Variants in MYLK observed in about 807,000 individuals in gnomAD.
MYLK encodes the protein myosin light chain kinase.
A neutral mutation model predicts 203.4 loss-of-function variants in MYLK; 106 were observed. That is an observed-to-expected ratio of 0.52 (90% CI 0.45 to 0.61). The LOEUF (loss-of-function observed/expected upper bound fraction) is 0.61. Among genes scored for constraint, MYLK ranks in the 20% least tolerant of loss-of-function variants. MYLK has a pLI of 0.00. For missense variants in MYLK, 2,072 were observed against 2,442.3 expected, an observed-to-expected ratio of 0.85 and a Z score of 3.20; for synonymous variants, 867 against 959.5, an observed-to-expected ratio of 0.90 and a Z score of 1.78.
chr3:123,618,780 A>G lies in MYLK; in HGVS notation c.5369-10T>C. The G allele has an allele frequency of 6.2e-7, 1 of 1,614,018 alleles. No homozygotes were observed. Among genetic ancestry groups the G allele is most frequent in the Middle Eastern group, 1.7e-4 (1 of 6,060 alleles). ...GCTTGGGACACATCTTCTAGAAGAC[A>G]GAGAAGAAGACCAGGTCATTTCTTC... On this transcript the variant is annotated splice_polypyrimidine_tract_variant and intron_variant, in intron 32 of 33. Coordinates refer to ENST00000360304, the MANE Select transcript of MYLK (RefSeq NM_053025.4).
rs79808071 is a variant in MYLK at position 123,645,258 on chromosome 3, C to T, written c.4619+1966G>A. On this transcript the variant is annotated intron_variant, in intron 27 of 33. Coordinates refer to ENST00000360304, the MANE Select transcript of MYLK (RefSeq NM_053025.4). ...TACAATAGAATAACTTACTCAAGGTCAAATAACAAGTTAGAAGCAGAGCTG... is the reference window on the plus strand; with the variant it reads ...TACAATAGAATAACTTACTCAAGGTTAAATAACAAGTTAGAAGCAGAGCTG... Among the ~76,000 whole-genome samples, 779 of 152,246 alleles carry T rather than the reference C, an allele frequency of 5.1e-3. 10 individuals are homozygous for T. The highest frequency in any genetic ancestry group is 0.018 in the African/African-American group (741 of 41,554).
intron 2 of MYLK, among the ~76,000 whole-genome samples, chr3:123,843,709 G>A (rs7628376): frequency 0.1 from 15,661 of 152,148 alleles, 1,879 homozygotes; most frequent in East Asian, 0.45. Context: ...CCCACAGCAA[G>A]AAACAGGAAG....
chr3:123,821,019 A>T (rs747893798), intron 3 of MYLK, among the ~76,000 whole-genome samples: 2 of 152,086 alleles, frequency 1.3e-5, no homozygotes, highest in South Asian at 4.1e-4. Context: ...GTGAGCCACC[A>T]CGCCCGGCTG....
chr3:123,666,359 A>G lies in MYLK; in HGVS notation c.3704-13T>C, dbSNP rs2059733714. On this transcript the variant is annotated splice_polypyrimidine_tract_variant and intron_variant, in intron 21 of 33. Transcript: ENST00000360304. ...TGAGGGGGCATTGCTGAGGGAGGACAGGGAGAAAGTGAGCGAGGCAGAAGG... is the reference window on the plus strand; with the variant it reads ...TGAGGGGGCATTGCTGAGGGAGGACGGGGAGAAAGTGAGCGAGGCAGAAGG... The G allele has an allele frequency of 6.2e-7, 1 of 1,614,072 alleles. No homozygotes were observed. The highest frequency in any genetic ancestry group is 1.1e-5 in the South Asian group (1 of 91,074).
chr3:123,630,505 T>C (rs76879080), intron 29 of MYLK: 4 of 152,222 alleles, frequency 2.6e-5, no homozygotes, highest in Non-Finnish European at 5.9e-5. Flanking sequence ...GATGAGGGAA[T>C]TGAGGCACAG....
At chr3:123,764,490 G>T (rs61657366) in intron 4 of MYLK, among the ~76,000 whole-genome samples, 5,590 of 152,202 alleles carry the variant, frequency 0.037, 352 homozygotes, top group African/African-American at 0.13. Context: ...GTACAGCAAC[G>T]AAGTCTGTCT....
chr3:123,733,576 CAAG>C lies in MYLK; in HGVS notation c.1309+108_1309+110del. On this transcript the variant is annotated intron_variant, in intron 10 of 33. Coordinates refer to ENST00000360304, the MANE Select transcript of MYLK (RefSeq NM_053025.4). ...AGGTGGTTTTCTAGGGGAGCTAGTC[CAAG>C]AAGATGAGTGGATATAGGTGATGCA... The C allele has an allele frequency of 5.1e-6, 7 of 1,372,472 alleles. 1 individual carries two copies. In the Middle Eastern group the frequency reaches 5.6e-4, roughly 110 times the overall value. The allele number at this position is 1,372,472 out of a possible 1,614,324, so 85.0% of individuals were successfully genotyped here. A position where few individuals can be genotyped will look rare whatever the true frequency, so the allele number is the denominator to read the frequency against.
chr3:123,622,629 A>G (rs2057929738), intron 31 of MYLK: 1 of 152,256 alleles, frequency 6.6e-6, no homozygotes, highest in African/African-American at 2.4e-5. Flanking sequence ...TAGTAAATAT[A>G]TTAACAAATA....
In MYLK at chr3:123,731,973, A is replaced by C. The variant is rs141774919; in HGVS notation, c.1516+923T>G. On this transcript the variant is annotated intron_variant, in intron 11 of 33. Coordinates refer to ENST00000360304, the MANE Select transcript of MYLK (RefSeq NM_053025.4). ...ATGTTACTATATACCTTCTAATATAAGTTTTCTATAGGTTGTCTTTTTTTT... is the reference window on the plus strand; with the variant it reads ...ATGTTACTATATACCTTCTAATATACGTTTTCTATAGGTTGTCTTTTTTTT... Among the ~76,000 whole-genome samples the C allele has an allele frequency of 1.5e-3, 212 of 138,770 alleles. 3 individuals carry two copies. The highest frequency in any genetic ancestry group is 5.3e-3 in the African/African-American group (200 of 37,834). The allele number at this position is 138,770 out of a possible 152,430, so 91.0% of individuals were successfully genotyped here. A position where few individuals can be genotyped will look rare whatever the true frequency, so the allele number is the denominator to read the frequency against.
At chr3:123,754,889 C>T (rs2063315779) in intron 4 of MYLK, among the ~76,000 whole-genome samples, 1 of 152,008 alleles carries the variant, frequency 6.6e-6, no homozygotes, top group Non-Finnish European at 1.5e-5. Context: ...AATAAAAGAG[C>T]CATGCAAATA....
At position 123,610,982 on chromosome 3, in the gene MYLK, A is replaced by G. The variant is rs1214771244; in HGVS notation, c.*3123T>C. 2 of 152,252 alleles carry G rather than the reference A, an allele frequency of 1.3e-5. No homozygotes were observed. The highest frequency in any genetic ancestry group is 4.8e-5 in the African/African-American group (2 of 41,472). The allele number at this position is 152,252 out of a possible 1,614,324, so 9.4% of individuals were successfully genotyped here. A position where few individuals can be genotyped will look rare whatever the true frequency, so the allele number is the denominator to read the frequency against. On this transcript the variant is annotated 3_prime_UTR_variant, in exon 34 of 34. Coordinates refer to ENST00000360304, the MANE Select transcript of MYLK (RefSeq NM_053025.4). ...TTTTATATGTTTGGGATGAAAATGA[A>G]TGGAAGAAAGTATATCTGTTATTTT... is the stretch of plus-strand genomic sequence containing the variant.
chr3:123,745,463 G>A (rs2062986860), intron 5 of MYLK, among the ~76,000 whole-genome samples: 1 of 152,168 alleles, frequency 6.6e-6, no homozygotes, highest in Non-Finnish European at 1.5e-5. Flanking sequence ...CAAAACTAAA[G>A]GTCACTGAAA....
rs185615021 is a variant in MYLK, at chr3:123,773,063, A to G, written c.166-20525T>C. ...ATCAAAGATGTCCATGAAGATGTTTATGTTTATTTAAAAGATTAAATATTA... is the reference window on the plus strand; with the variant it reads ...ATCAAAGATGTCCATGAAGATGTTTGTGTTTATTTAAAAGATTAAATATTA... On this transcript the variant is annotated intron_variant, in intron 4 of 33. Transcript: ENST00000360304. 2.5e-3 allele frequency among the ~76,000 whole-genome samples: 373 copies of G among 152,164 alleles called. 2 individuals carry two copies. Among genetic ancestry groups the G allele is most frequent in the Non-Finnish European group, 1.9e-3 (131 of 67,962 alleles).
intron 13 of MYLK, among the ~76,000 whole-genome samples, chr3:123,711,225 T>C (rs1290829857): frequency 6.6e-6 from 1 of 151,946 alleles, no homozygotes; most frequent in Non-Finnish European, 1.5e-5. Context: ...GGGGTTGGAT[T>C]ATAAAGGGGC....
intron 11 of MYLK, among the ~76,000 whole-genome samples, chr3:123,728,260 T>C (rs945159036): frequency 6.6e-6 from 1 of 152,154 alleles, no homozygotes; most frequent in Non-Finnish European, 1.5e-5. Flanking sequence ...CTCAGCACTT[T>C]GGTAGGCCAA....
intron 5 of MYLK, among the ~76,000 whole-genome samples, chr3:123,750,240 A>G (rs1166674558): frequency 6.6e-6 from 1 of 152,204 alleles, no homozygotes; most frequent in Non-Finnish European, 1.5e-5. Flanking sequence ...TTTATGTCTT[A>G]ATTTTATTTT....
At chr3:123,739,378 C>T (rs1479348968) in intron 6 of MYLK, among the ~76,000 whole-genome samples, 4 of 152,346 alleles carry the variant, frequency 2.6e-5, no homozygotes, top group Non-Finnish European at 4.4e-5. Context: ...GAGCTGTATG[C>T]CACTTCCAGG....
intron 2 of MYLK, among the ~76,000 whole-genome samples, chr3:123,844,037 G>C (rs1048107340): frequency 2.0e-5 from 3 of 152,142 alleles, no homozygotes; most frequent in African/African-American, 4.8e-5. Flanking sequence ...CTAGGTTTAT[G>C]CTCTGTGTTC....
rs182161244 is a variant in MYLK, at chr3:123,819,040, G to A, written c.-4+12508C>T. Among the ~76,000 whole-genome samples, 11 of 152,292 alleles carry A rather than the reference G, an allele frequency of 7.2e-5. No homozygotes were observed. The East Asian group carries it at 2.1e-3, about 29-fold the overall frequency. Reference sequence around the variant, plus strand: ...GGCAAGGCTGCTTTGAAACTTTGATGAGGCAAGAAATGAGAAGTCTCCTGG... The same window carrying A: ...GGCAAGGCTGCTTTGAAACTTTGATAAGGCAAGAAATGAGAAGTCTCCTGG... On this transcript the variant is annotated intron_variant, in intron 3 of 33. Transcript: ENST00000360304.
Sources: gnomAD v4.1 joint callset for allele counts (sites outside exome capture counted in the v4.1 genomes callset) on GRCh38, gnomAD v4.1.1 for gene constraint, MANE v1.5 for transcripts, NCBI Gene and HGNC (gene_info 2026-07-23, HGNC 2026-07-21) for gene names.